Variants in NUMB observed in about 807,000 individuals in gnomAD.
NUMB encodes the protein protein numb homolog.
Under a neutral mutation model 59.7 loss-of-function variants are expected in NUMB, and 29 were observed. That is an observed-to-expected ratio of 0.49 (90% CI 0.36 to 0.66). NUMB has a LOEUF of 0.66. NUMB is among the 30% of genes least tolerant of loss of function. The pLI, the probability that NUMB is intolerant of heterozygous loss-of-function variation, is 0.00. For synonymous variants in NUMB, 288 were observed against 288.2 expected, an observed-to-expected ratio of 1.00 and a Z score of 0.01; for missense variants, 723 against 822.0, an observed-to-expected ratio of 0.88 and a Z score of 1.47.
At chr14:73,416,567 G>A (rs1431522970) in intron 1 of NUMB, among the ~76,000 whole-genome samples, 1 of 151,952 alleles carries the variant, frequency 6.6e-6, no homozygotes, top group Non-Finnish European at 1.5e-5. Context: ...ATAGGCTGAG[G>A]GCAGTGACTC....
At chr14:73,406,344 G>A (rs1896674685) in intron 2 of NUMB, among the ~76,000 whole-genome samples, 1 of 149,804 alleles carries the variant, frequency 6.7e-6, no homozygotes, top group Admixed American at 6.8e-5. Context: ...AACATGCGGT[G>A]TTTGGTTTTC....
intron 8 of NUMB, among the ~76,000 whole-genome samples, chr14:73,288,376 C>T (rs1201365082): frequency 6.6e-6 from 1 of 151,742 alleles, no homozygotes; most frequent in African/African-American, 2.4e-5. Flanking sequence ...CGTGGCGAAA[C>T]CCCGTCTCTA....
intron 7 of NUMB, among the ~76,000 whole-genome samples, chr14:73,294,557 C>T (rs1376495194): frequency 6.6e-6 from 1 of 151,674 alleles, no homozygotes; most frequent in Non-Finnish European, 1.5e-5. Flanking sequence ...CTCTGTCGCC[C>T]AGGCTGCTGG....
chr14:73,404,431 T>A (rs1370547372), intron 2 of NUMB, among the ~76,000 whole-genome samples: 1 of 152,156 alleles, frequency 6.6e-6, no homozygotes, highest in Non-Finnish European at 1.5e-5. Context: ...ATATCCTTTT[T>A]CTTAGAAGAT....
intron 4 of NUMB, among the ~76,000 whole-genome samples, chr14:73,346,781 T>A (rs1250042067): frequency 6.6e-6 from 1 of 152,164 alleles, no homozygotes; most frequent in East Asian, 1.9e-4. Context: ...GTCTTCAGAA[T>A]AAAATTCCAT....
At chr14:73,390,098 G>A (rs1211714895) in intron 2 of NUMB, among the ~76,000 whole-genome samples, 1 of 152,060 alleles carries the variant, frequency 6.6e-6, no homozygotes, top group Non-Finnish European at 1.5e-5. Flanking sequence ...TCTATTTCTA[G>A]GGGCTATACT....
chr14:73,304,132 G>A (rs778656280), intron 6 of NUMB, among the ~76,000 whole-genome samples: 9 of 152,108 alleles, frequency 5.9e-5, no homozygotes, highest in Non-Finnish European at 1.0e-4. Flanking sequence ...AAAAAAATTG[G>A]TGAAGGAACA....
intron 4 of NUMB, among the ~76,000 whole-genome samples, chr14:73,353,095 T>C (rs931670255): frequency 8.1e-5 from 10 of 123,092 alleles, no homozygotes; most frequent in South Asian, 2.7e-4. Flanking sequence ...TTTTTTTTTT[T>C]TTTTTTGAGA....
intron 4 of NUMB, among the ~76,000 whole-genome samples, chr14:73,352,530 GTTTT>G (rs71112735): frequency 4.9e-5 from 1 of 20,282 alleles, no homozygotes; most frequent in African/African-American, 1.7e-4. Context: ...ATATATATAT[GTTTT>G]TTTTTTTTTT....
chr14:73,411,407 G>A lies in NUMB; in HGVS notation c.-232-1339C>T, dbSNP rs1896890090. The stretch of plus-strand genomic sequence containing the variant: ...AGATACCACAGAATTGTGGTAAACA[G>A]ATAAGATGCTATAAGAGGCCAATCC... On this transcript the variant is annotated intron_variant, in intron 1 of 12. Coordinates refer to ENST00000555238, the MANE Select transcript of NUMB (RefSeq NM_001005743.2). 4.7e-5 allele frequency among the ~76,000 whole-genome samples: 7 copies of A among 150,400 alleles called. No homozygotes were observed. In the South Asian group the frequency reaches 1.5e-3, roughly 32 times the overall value.
In NUMB at chr14:73,445,354, C is replaced by CAAAA. The variant is rs752154048; in HGVS notation, c.-233+13135_-233+13138dup. On this transcript the variant is annotated intron_variant, in intron 1 of 12. Coordinates refer to ENST00000555238, the MANE Select transcript of NUMB (RefSeq NM_001005743.2). ...TGAGTGACAAAGTGAGACCCTGTCT[C>CAAAA]AAAAAAAAAAAAAAAAAAAAAAAAA... 2.1e-3 allele frequency among the ~76,000 whole-genome samples: 123 copies of CAAAA among 57,554 alleles called. 16 individuals carry two copies. The highest frequency in any genetic ancestry group is 3.3e-3 in the African/African-American group (55 of 16,516). 37.8% of individuals were successfully genotyped at this position (57,554 alleles called of 152,430 possible).
chr14:73,305,140 T>G (rs1209194489), intron 6 of NUMB, among the ~76,000 whole-genome samples: 1 of 152,198 alleles, frequency 6.6e-6, no homozygotes, highest in African/African-American at 2.4e-5. Context: ...ACAAAATATT[T>G]TAGGCTTTTC....
At chr14:73,391,714 T>G (rs965097246) in intron 2 of NUMB, among the ~76,000 whole-genome samples, 5 of 152,202 alleles carry the variant, frequency 3.3e-5, no homozygotes, top group Admixed American at 6.5e-5. Context: ...AGCCCCTAGA[T>G]GGTGCACATT....
chr14:73,394,029 G>A (rs1269851652), intron 2 of NUMB, among the ~76,000 whole-genome samples: 4 of 152,122 alleles, frequency 2.6e-5, no homozygotes, highest in South Asian at 2.1e-4. Flanking sequence ...GCAATTGCGC[G>A]ATCTTGGCTC....
intron 1 of NUMB, among the ~76,000 whole-genome samples, chr14:73,442,258 T>C (rs1366598489): frequency 2.7e-5 from 4 of 150,612 alleles, no homozygotes; most frequent in African/African-American, 9.8e-5. Flanking sequence ...CCTATGGTCC[T>C]AGCTACTCAG....
In NUMB at chr14:73,423,595, C is replaced by T. The variant is rs138015156; in HGVS notation, c.-232-13527G>A. 6.9e-3 allele frequency among the ~76,000 whole-genome samples: 1,035 copies of T among 150,322 alleles called. 7 individuals carry two copies. The highest frequency in any genetic ancestry group is 0.013 in the Non-Finnish European group (848 of 67,538). On this transcript the variant is annotated intron_variant, in intron 1 of 12. Transcript: ENST00000555238. ...GGTGGAGGTTGCAGTGAGCCAAAAT[C>T]ACGCCACTGCACTCCAGCCTGAGCA... is the stretch of plus-strand genomic sequence containing the variant.
intron 1 of NUMB, among the ~76,000 whole-genome samples, chr14:73,413,298 G>C (rs1896976487): frequency 6.6e-6 from 1 of 150,606 alleles, no homozygotes; most frequent in African/African-American, 2.4e-5. Context: ...TGTTGGCCAG[G>C]CTGGTCTTTA....
chr14:73,434,383 T>C (rs1036854255), intron 1 of NUMB, among the ~76,000 whole-genome samples: 2 of 152,194 alleles, frequency 1.3e-5, no homozygotes, highest in Non-Finnish European at 2.9e-5. Flanking sequence ...AGTTAGTGCA[T>C]GTAAAGCACT....
chr14:73,370,629 T>C (rs898326006), intron 2 of NUMB, among the ~76,000 whole-genome samples: 1 of 151,918 alleles, frequency 6.6e-6, no homozygotes, highest in African/African-American at 2.4e-5. Context: ...GAGGCGGAGG[T>C]TGCGATGAGC....
Sources: allele counts gnomAD v4.1 joint callset (sites outside exome capture counted in the v4.1 genomes callset), GRCh38; gene constraint gnomAD v4.1.1; transcripts MANE v1.5; gene names NCBI Gene and HGNC (gene_info 2026-07-23, HGNC 2026-07-21).